TMEM143: variants seen among roughly 807,000 people sequenced by gnomAD.
TMEM143 encodes transmembrane protein 143.
In TMEM143, 45 loss-of-function variants were observed where a neutral mutation model predicts 40.3. The ratio of observed to expected loss-of-function variants is 1.12; its 90% CI spans 0.88 to 1.43. The LOEUF (loss-of-function observed/expected upper bound fraction) is 1.43, where lower values mean the gene tolerates loss of function less well. Ranked by LOEUF, TMEM143 falls within the 40% of genes most tolerant of loss-of-function variation. The probability of loss-of-function intolerance (pLI) is 0.00; values close to 1 mark genes in which losing one functional copy is unlikely to be tolerated. For synonymous variants in TMEM143, 299 were observed against 282.7 expected, an observed-to-expected ratio of 1.06 and a Z score of -0.58; for missense variants, 620 against 613.4, an observed-to-expected ratio of 1.01 and a Z score of -0.11.
intron 2 of TMEM143, among the ~76,000 whole-genome samples, chr19:48,361,406 CG>C (rs1432737524): frequency 6.6e-6 from 1 of 151,730 alleles, no homozygotes; most frequent in Non-Finnish European, 1.5e-5. Context: ...TTAATAGAGA[CG>C]GGGTTTCACC....
At chr19:48,338,249 A>G (rs542849110) in intron 6 of TMEM143, among the ~76,000 whole-genome samples, 1 of 151,870 alleles carries the variant, frequency 6.6e-6, no homozygotes, top group East Asian at 1.9e-4. Flanking sequence ...CTTGGCTCAG[A>G]CTTTATCCCC....
chr19:48,361,790 G>GCTTT (rs1970046714), intron 2 of TMEM143, among the ~76,000 whole-genome samples: 2 of 152,096 alleles, frequency 1.3e-5, no homozygotes, highest in Admixed American at 1.3e-4. Flanking sequence ...GCCTCCCAAA[G>GCTTT]TGCTGGGATT....
chr19:48,335,934 G>A (rs1396807090), intron 6 of TMEM143, among the ~76,000 whole-genome samples: 11 of 151,860 alleles, frequency 7.2e-5, no homozygotes, highest in Non-Finnish European at 1.5e-5. Context: ...AAGAGGAGAG[G>A]GGAAGGATGT....
intron 6 of TMEM143, among the ~76,000 whole-genome samples, chr19:48,338,219 C>G (rs920509074): frequency 6.6e-6 from 1 of 152,214 alleles, no homozygotes; most frequent in Non-Finnish European, 1.5e-5. Flanking sequence ...GTCTCCTCCT[C>G]TGCAGCTCCC....
chr19:48,357,349 C>CTT (rs1195099137), intron 3 of TMEM143, among the ~76,000 whole-genome samples: 26 of 74,824 alleles, frequency 3.5e-4, no homozygotes, highest in Middle Eastern at 8.8e-3. Context: ...GTCTATCTTT[C>CTT]TTTTTTTTTT....
At chr19:48,334,226 C>G in intron 6 of TMEM143, 29 bp from the exon 7 acceptor site, 1 of 1,563,712 alleles carries the variant, frequency 6.4e-7, no homozygotes, top group Non-Finnish European at 8.6e-7. Flanking sequence ...CCCGTGGGCT[C>G]AGTTCGGGGT....
At chr19:48,363,652 T>C in intron 1 of TMEM143, 121 bp from the exon 2 acceptor site, 1 of 1,452,808 alleles carries the variant, frequency 6.9e-7, no homozygotes, top group Non-Finnish European at 9.2e-7. Flanking sequence ...GCCCATCCGC[T>C]CGCCTCAAAG....
In TMEM143 at chr19:48,333,329, G is replaced by A. The variant is rs748728319; in HGVS notation, c.1270C>T (p.Leu424=). ...GTRALAHLQA[L]TPSMGLYPPP... The stretch of plus-strand genomic sequence containing the variant: ...GGGTACAATCCCATGCTGGGGGTCA[G>A]GGCCTGCAGATGCGCCAGGGCCCGA... Residue 424 remains leucine (L), a synonymous_variant, in exon 8 of 8, where the codon CTG becomes TTG. Transcript: ENST00000293261. The surrounding 1 kb of genome is among the most constrained non-coding windows in gnomAD (Gnocchi z 4.1). 6 of 1,609,494 alleles carry A rather than the reference G, an allele frequency of 3.7e-6. No homozygotes were observed. The African/African-American group carries it at 5.3e-5, about 14-fold the overall frequency.
At chr19:48,345,669 C>T (rs1394349444) in intron 3 of TMEM143, among the ~76,000 whole-genome samples, 1 of 151,204 alleles carries the variant, frequency 6.6e-6, no homozygotes, top group Non-Finnish European at 1.5e-5. Context: ...TGAGGTTTCA[C>T]TGTGTTGCCC....
At chr19:48,359,236 C>T (rs762909643) in intron 3 of TMEM143, among the ~76,000 whole-genome samples, 3 of 152,074 alleles carry the variant, frequency 2.0e-5, no homozygotes, top group Non-Finnish European at 4.4e-5. Flanking sequence ...AGGCCCAGTA[C>T]GATCTGTCCC....
In TMEM143 at chr19:48,361,525, ACTT is replaced by A. The variant is rs767123733; in HGVS notation, c.265-1352_265-1350del. Among the ~76,000 whole-genome samples, 54 of 120,966 alleles carry A rather than the reference ACTT, an allele frequency of 4.5e-4. 1 individual carries two copies. The highest frequency in any genetic ancestry group is 1.1e-3 in the Admixed American group (10 of 9,378). 79.4% of individuals were successfully genotyped at this position (120,966 alleles called of 152,430 possible). A position where few individuals can be genotyped will look rare whatever the true frequency, so the allele number is the denominator to read the frequency against. ...GAGCCACCATGCCTGGCCTTGAACC[ACTT>A]CTTCTTCTTTTTTTTTTTTTGAGAT... On this transcript the variant is annotated intron_variant, in intron 2 of 7. Coordinates refer to ENST00000293261, the MANE Select transcript of TMEM143 (RefSeq NM_018273.4).
chr19:48,343,049 A>G (rs1969541060), intron 5 of TMEM143: 2 of 672,866 alleles, frequency 3.0e-6, no homozygotes, highest in Middle Eastern at 4.2e-4. Flanking sequence ...GCCGTGCCGC[A>G]TCTTCAGAAT....
chr19:48,341,474 C>T (rs1183051742), intron 6 of TMEM143, among the ~76,000 whole-genome samples: 1 of 152,164 alleles, frequency 6.6e-6, no homozygotes, highest in Admixed American at 6.5e-5. Context: ...TCAGCCAGCT[C>T]CCCCAGTGAT....
chr19:48,363,616 C>T (rs1411943497), intron 1 of TMEM143, 85 bp from the exon 2 acceptor site: 3 of 1,505,716 alleles, frequency 2.0e-6, no homozygotes, highest in African/African-American at 1.4e-5. Context: ...CTCCAGAAGC[C>T]GTCTCTACCC....
Position 48,343,320 on chromosome 19 carries a change from C to A in TMEM143, c.695+1G>T. 3 of 1,610,222 alleles carry A rather than the reference C, an allele frequency of 1.9e-6. No homozygotes were observed. Among genetic ancestry groups the A allele is most frequent in the Non-Finnish European group, 1.7e-6 (2 of 1,179,066 alleles). ...CAGCTGGGGAACAAGGGCCGCCTCA[C>A]CTCTCCGCAGGGGGCAGCTTGGTGA... On this transcript the variant is annotated splice_donor_variant, in intron 5 of 7. Transcript: ENST00000293261. LOFTEE classifies it high-confidence loss of function.
chr19:48,338,019 G>A (rs576053358), intron 6 of TMEM143, among the ~76,000 whole-genome samples: 8 of 132,630 alleles, frequency 6.0e-5, no homozygotes, highest in African/African-American at 1.8e-4. Flanking sequence ...CCTGCCACCC[G>A]GAGGGTCCCT....
chr19:48,350,516 G>A lies in TMEM143; in HGVS notation c.370-5162C>T, dbSNP rs551300482. Among the ~76,000 whole-genome samples, 18 of 152,096 alleles carry A rather than the reference G, an allele frequency of 1.2e-4. No homozygotes were observed. The South Asian group carries it at 3.7e-3, about 32-fold the overall frequency. Reference sequence around the variant, plus strand: ...TGGGGAGAGCATCTGATTCATGACCGTCCCCACCACCCACGTTCAGCTCCC... The same window carrying A: ...TGGGGAGAGCATCTGATTCATGACCATCCCCACCACCCACGTTCAGCTCCC... On this transcript the variant is annotated intron_variant, in intron 3 of 7. Transcript: ENST00000293261.
chr19:48,352,854 T>C (rs556291592), intron 3 of TMEM143, among the ~76,000 whole-genome samples: 36 of 152,112 alleles, frequency 2.4e-4, no homozygotes, highest in African/African-American at 8.4e-4. Context: ...TGTCCTCAAA[T>C]GATCCTCCCA....
intron 6 of TMEM143, among the ~76,000 whole-genome samples, chr19:48,335,789 G>A (rs1969354280): frequency 6.6e-6 from 1 of 152,170 alleles, no homozygotes; most frequent in African/African-American, 2.4e-5. Flanking sequence ...AGCTACTCAT[G>A]AGGCTGAAGC....
Sources: gnomAD v4.1 joint callset for allele counts (sites outside exome capture counted in the v4.1 genomes callset) on GRCh38, gnomAD v4.1.1 for gene constraint, Gnocchi (gnomAD v3.1) non-coding constraint, MANE v1.5 for transcripts, NCBI Gene and HGNC (gene_info 2026-07-23, HGNC 2026-07-21) for gene names.